Variants in SLC6A11 observed in about 807,000 individuals in gnomAD.
The protein encoded by SLC6A11 is solute carrier family 6 member 11, also known as sodium- and chloride-dependent GABA transporter 3.
SLC6A11 carries 25 observed loss-of-function variants against 74.8 expected under a neutral mutation model. The observed-to-expected ratio is 0.33, with a 90% confidence interval of 0.24 to 0.47. The LOEUF is 0.47. Among genes scored for constraint, SLC6A11 ranks in the 20% least tolerant of loss-of-function variants. The pLI, the probability that SLC6A11 is intolerant of heterozygous loss-of-function variation, is 1.00. For synonymous variants in SLC6A11, 330 were observed against 330.2 expected, an observed-to-expected ratio of 1.00 and a Z score of 0.01; for missense variants, 574 against 837.0, an observed-to-expected ratio of 0.69 and a Z score of 3.88.
intron 6 of SLC6A11, among the ~76,000 whole-genome samples, chr3:10,875,918 G>C (rs1226451985): frequency 6.6e-6 from 1 of 152,172 alleles, no homozygotes; most frequent in Non-Finnish European, 1.5e-5. Flanking sequence ...CTGGGTGTGG[G>C]TTGCAGGTGT....
intron 6 of SLC6A11, among the ~76,000 whole-genome samples, chr3:10,909,835 T>TA (rs1417707116): frequency 3.9e-5 from 6 of 152,310 alleles, no homozygotes; most frequent in Admixed American, 6.5e-5. Flanking sequence ...GAATTAAAAA[T>TA]ACAACCACTT....
At position 10,935,039 on chromosome 3, in the gene SLC6A11, T is replaced by A; in HGVS notation, c.1586T>A (p.Ile529Asn). ...MTPGICAGIF[I>N]FFLIKYKPLK... The stretch of plus-strand genomic sequence containing the variant: ...CCCATCTCTCTGCAGGGGATCTTCA[T>A]CTTCTTCTTGATCAAGTACAAGCCA... Residue 529 changes from isoleucine (I) to asparagine (N), a missense_variant, in exon 13 of 14, where the codon ATC becomes AAC. By Grantham distance (149) the Ile-to-Asn change is moderately radical. Coordinates refer to ENST00000254488, the MANE Select transcript of SLC6A11 (RefSeq NM_014229.3). 6.2e-7 allele frequency: 1 copy of A among 1,613,942 alleles called. No individual in the cohort carries two copies. Among genetic ancestry groups the A allele is most frequent in the Non-Finnish European group, 8.5e-7 (1 of 1,179,886 alleles).
At chr3:10,906,134 C>T (rs371481015) in intron 6 of SLC6A11, among the ~76,000 whole-genome samples, 17 of 152,144 alleles carry the variant, frequency 1.1e-4, no homozygotes, top group African/African-American at 3.4e-4. Flanking sequence ...TCTAGTGTTG[C>T]ACCCTCACCC....
At chr3:10,846,159 T>C (rs1386602714) in intron 5 of SLC6A11, among the ~76,000 whole-genome samples, 1 of 152,228 alleles carries the variant, frequency 6.6e-6, no homozygotes, top group Non-Finnish European at 1.5e-5. Flanking sequence ...AGTGGCAATT[T>C]TTAAAAATCT....
chr3:10,876,065 A>G (rs761884470), intron 6 of SLC6A11, among the ~76,000 whole-genome samples: 5 of 152,254 alleles, frequency 3.3e-5, no homozygotes, highest in Non-Finnish European at 1.5e-5. Context: ...CAAATAGGAA[A>G]TGAGGCTTGC....
chr3:10,850,784 G>A (rs12497527), intron 5 of SLC6A11, among the ~76,000 whole-genome samples: 34,962 of 152,118 alleles, frequency 0.23, 5,084 homozygotes, highest in South Asian at 0.45. Flanking sequence ...GGGATAGCAC[G>A]GTCTATTTTC....
At chr3:10,867,663 T>G (rs1694781813) in intron 5 of SLC6A11, among the ~76,000 whole-genome samples, 1 of 152,188 alleles carries the variant, frequency 6.6e-6, no homozygotes, top group Non-Finnish European at 1.5e-5. Flanking sequence ...CAGAAAGAGT[T>G]CTTTCCACTC....
chr3:10,869,282 G>A (rs74355298), intron 5 of SLC6A11, among the ~76,000 whole-genome samples: 2,886 of 152,324 alleles, frequency 0.019, 92 homozygotes, highest in African/African-American at 0.066. Flanking sequence ...AGGGAGGACG[G>A]GGCAATTCAT....
intron 6 of SLC6A11, among the ~76,000 whole-genome samples, chr3:10,908,135 A>T (rs2106623819): frequency 6.6e-6 from 1 of 152,354 alleles, no homozygotes; most frequent in Admixed American, 6.5e-5. Flanking sequence ...CATCTCATTC[A>T]GTCAATCAGT....
intron 5 of SLC6A11, among the ~76,000 whole-genome samples, chr3:10,857,092 A>T (rs552640222): frequency 2.0e-5 from 3 of 152,362 alleles, no homozygotes; most frequent in African/African-American, 7.2e-5. Flanking sequence ...ATTCACCTGA[A>T]GATAATCAAC....
Position 10,938,535 on chromosome 3 carries a change from A to G in SLC6A11, c.*133A>G. 1 of 938,808 alleles carries G rather than the reference A, an allele frequency of 1.1e-6. No homozygotes were observed. The highest frequency in any genetic ancestry group is 1.9e-5 in the South Asian group (1 of 51,908). The allele number at this position is 938,808 out of a possible 1,614,324, so 58.2% of individuals were successfully genotyped here. On this transcript the variant is annotated 3_prime_UTR_variant, in exon 14 of 14. Coordinates refer to ENST00000254488, the MANE Select transcript of SLC6A11 (RefSeq NM_014229.3). Reference sequence around the variant, plus strand: ...CAGGATTAATTAACAAGTTAATTTTAAGGTGGCCACTGTACACTGCTCTAA... The same window carrying G: ...CAGGATTAATTAACAAGTTAATTTTGAGGTGGCCACTGTACACTGCTCTAA...
intron 4 of SLC6A11, among the ~76,000 whole-genome samples, chr3:10,843,719 A>G (rs1483914001): frequency 6.6e-6 from 1 of 152,148 alleles, no homozygotes; most frequent in Non-Finnish European, 1.5e-5. Flanking sequence ...AGGCTTCCAT[A>G]ATGACAGGAG....
At chr3:10,928,304 C>T (rs920382178) in intron 9 of SLC6A11, among the ~76,000 whole-genome samples, 1 of 152,142 alleles carries the variant, frequency 6.6e-6, no homozygotes, top group Admixed American at 6.5e-5. Flanking sequence ...CAGGATCCCA[C>T]CTGCTTGTAA....
At chr3:10,865,796 T>C (rs988254825) in intron 5 of SLC6A11, among the ~76,000 whole-genome samples, 2 of 152,244 alleles carry the variant, frequency 1.3e-5, no homozygotes, top group African/African-American at 4.8e-5. Flanking sequence ...CCTGGTTGAC[T>C]ACAGGTGTAG....
At chr3:10,884,214 T>C (rs1695015545) in intron 6 of SLC6A11, among the ~76,000 whole-genome samples, 1 of 152,196 alleles carries the variant, frequency 6.6e-6, no homozygotes, top group Admixed American at 6.5e-5. Flanking sequence ...AGCAGTGTCT[T>C]ATGATCCACA....
intron 12 of SLC6A11, among the ~76,000 whole-genome samples, chr3:10,934,605 T>C (rs2697161): frequency 0.49 from 74,245 of 152,132 alleles, 19,342 homozygotes; most frequent in East Asian, 0.73. Context: ...TTAAAAAACA[T>C]CCTATCACTC....
At chr3:10,866,693 T>G (rs999880048) in intron 5 of SLC6A11, among the ~76,000 whole-genome samples, 10 of 152,346 alleles carry the variant, frequency 6.6e-5, no homozygotes, top group African/African-American at 2.4e-4. Context: ...ATTACCCCCT[T>G]GAAGAAATGC....
At chr3:10,862,588 C>G (rs1310046554) in intron 5 of SLC6A11, among the ~76,000 whole-genome samples, 1 of 152,178 alleles carries the variant, frequency 6.6e-6, no homozygotes, top group Non-Finnish European at 1.5e-5. Context: ...TTTTTCCCAA[C>G]CTGGAGAACT....
chr3:10,890,890 T>G (rs1601370), intron 6 of SLC6A11, among the ~76,000 whole-genome samples: 77,659 of 152,096 alleles, frequency 0.51, 20,505 homozygotes, highest in Non-Finnish European at 0.58. Flanking sequence ...AGGATGGTAA[T>G]TTTTAAGTTA....
Sources: gnomAD v4.1 joint callset for allele counts (sites outside exome capture counted in the v4.1 genomes callset) on GRCh38, gnomAD v4.1.1 for gene constraint, MANE v1.5 for transcripts, NCBI Gene and HGNC (gene_info 2026-07-23, HGNC 2026-07-21) for gene names.